The following ZBTB7C variants were observed in gnomAD, a reference collection of about 807,000 sequenced individuals.
ZBTB7C encodes zinc finger and BTB domain containing 7C, also known as zinc finger and BTB domain-containing protein 7C.
A neutral mutation model predicts 25.7 loss-of-function variants in ZBTB7C; 8 were observed. The ratio of observed to expected loss-of-function variants is 0.31; its 90% CI spans 0.18 to 0.56. The LOEUF (loss-of-function observed/expected upper bound fraction) is 0.56, where lower values mean the gene tolerates loss of function less well. Ranked by LOEUF, ZBTB7C falls within the 20% of genes least tolerant of loss-of-function variation. ZBTB7C has a pLI of 0.91. For synonymous variants in ZBTB7C, 394 were observed against 369.0 expected (o/e 1.07, Z -0.78); for missense variants, 824 against 855.2 (o/e 0.96, Z 0.46).
chr18:48,069,653 A>G (rs2037468903), intron 3 of ZBTB7C, among the ~76,000 whole-genome samples: 1 of 151,294 alleles, frequency 6.6e-6, no homozygotes, highest in Non-Finnish European at 1.5e-5. Context: ...TACTATCAGG[A>G]GCAAGGCTTT....
intron 1 of ZBTB7C, among the ~76,000 whole-genome samples, chr18:48,351,553 T>A (rs1018961530): frequency 1.1e-4 from 17 of 152,148 alleles, no homozygotes; most frequent in African/African-American, 3.9e-4. Flanking sequence ...AGATAACAAA[T>A]GCATTTGGGT....
At chr18:48,194,917 A>C (rs565659192) in intron 2 of ZBTB7C, among the ~76,000 whole-genome samples, 1 of 152,204 alleles carries the variant, frequency 6.6e-6, no homozygotes, top group East Asian at 1.9e-4. Context: ...CTCAGGCTGA[A>C]GTCATCCCCA....
intron 3 of ZBTB7C, among the ~76,000 whole-genome samples, chr18:48,096,422 G>A (rs986573120): frequency 1.3e-5 from 2 of 152,210 alleles, no homozygotes; most frequent in African/African-American, 4.8e-5. Context: ...GCATCCTGAT[G>A]ACATCAGGGT....
intron 2 of ZBTB7C, among the ~76,000 whole-genome samples, chr18:48,261,781 AT>A (rs1239328865): frequency 6.6e-6 from 1 of 151,988 alleles, no homozygotes; most frequent in Non-Finnish European, 1.5e-5. Flanking sequence ...CAAATACCCC[AT>A]TAACCAGGAC....
chr18:48,051,241 G>A (rs1251089040), intron 3 of ZBTB7C, among the ~76,000 whole-genome samples: 1 of 152,236 alleles, frequency 6.6e-6, no homozygotes, highest in African/African-American at 2.4e-5. Context: ...GACTTGAAGG[G>A]TACCGAAGAG....
intron 3 of ZBTB7C, among the ~76,000 whole-genome samples, chr18:48,133,562 T>C (rs1270447752): frequency 1.3e-5 from 2 of 151,902 alleles, no homozygotes; most frequent in Admixed American, 6.6e-5. Context: ...GCAGAATGTA[T>C]GATATAAAGG....
At chr18:48,046,484 C>A (rs920022490) in intron 3 of ZBTB7C, among the ~76,000 whole-genome samples, 1 of 152,184 alleles carries the variant, frequency 6.6e-6, no homozygotes, top group Non-Finnish European at 1.5e-5. Flanking sequence ...AGTAAAACCC[C>A]AGGAAATTAG....
At chr18:48,159,296 A>G (rs1331963838) in intron 3 of ZBTB7C, among the ~76,000 whole-genome samples, 3 of 152,158 alleles carry the variant, frequency 2.0e-5, no homozygotes, top group Admixed American at 1.3e-4. Flanking sequence ...CTACTTAATC[A>G]ACCTCAGTTT....
intron 3 of ZBTB7C, among the ~76,000 whole-genome samples, chr18:48,161,313 G>A (rs2041016861): frequency 1.3e-5 from 2 of 151,982 alleles, no homozygotes; most frequent in South Asian, 4.2e-4. Context: ...GGAAAGAGCT[G>A]GTGCCTCCCT....
At chr18:48,316,320 C>T (rs754241081) in intron 2 of ZBTB7C, among the ~76,000 whole-genome samples, 4 of 152,154 alleles carry the variant, frequency 2.6e-5, no homozygotes, top group Non-Finnish European at 5.9e-5. Context: ...TCACAGGTGT[C>T]TGAAGAGCCG....
chr18:48,047,680 T>A, intron 3 of ZBTB7C, among the ~76,000 whole-genome samples: 1 of 152,182 alleles, frequency 6.6e-6, no homozygotes, highest in East Asian at 1.9e-4. Context: ...TTTGTTCAAC[T>A]GTAAAATGAG....
chr18:48,104,382 A>C (rs569992207), intron 3 of ZBTB7C, among the ~76,000 whole-genome samples: 1 of 151,462 alleles, frequency 6.6e-6, no homozygotes, highest in East Asian at 1.9e-4. Context: ...GTTTCCTGAG[A>C]CTCTCCCCAG....
At chr18:48,084,477 C>A (rs1316890504) in intron 3 of ZBTB7C, among the ~76,000 whole-genome samples, 1 of 152,164 alleles carries the variant, frequency 6.6e-6, no homozygotes, top group African/African-American at 2.4e-5. Context: ...CCCTGCAGCT[C>A]CTCTGCTCCT....
chr18:48,319,467 T>C (rs752944798), intron 2 of ZBTB7C, among the ~76,000 whole-genome samples: 1 of 152,134 alleles, frequency 6.6e-6, no homozygotes, highest in Non-Finnish European at 1.5e-5. Context: ...CTTGGCACTA[T>C]GGGGGGACGT....
chr18:48,065,335 T>TTA (rs1555683857), intron 3 of ZBTB7C, among the ~76,000 whole-genome samples: 1 of 150,726 alleles, frequency 6.6e-6, no homozygotes, highest in Non-Finnish European at 1.5e-5. Context: ...TCTCTCTCTC[T>TTA]CACACACACA....
intron 2 of ZBTB7C, among the ~76,000 whole-genome samples, chr18:48,306,403 T>A (rs901169637): frequency 1.3e-5 from 2 of 152,258 alleles, no homozygotes; most frequent in African/African-American, 4.8e-5. Context: ...TTTACCACTT[T>A]AAACATATGT....
chr18:48,230,215 G>T (rs889568084), intron 2 of ZBTB7C, among the ~76,000 whole-genome samples: 14 of 152,168 alleles, frequency 9.2e-5, no homozygotes, highest in African/African-American at 3.4e-4. Flanking sequence ...AGGCTTGAAA[G>T]CTTCATCCAC....
intron 1 of ZBTB7C, among the ~76,000 whole-genome samples, chr18:48,385,217 T>A (rs1166268269): frequency 6.6e-6 from 1 of 152,220 alleles, no homozygotes; most frequent in Non-Finnish European, 1.5e-5. Flanking sequence ...ATATTTTGTA[T>A]ATACCTTATT....
chr18:48,282,880 G>A (rs987386865), intron 2 of ZBTB7C, among the ~76,000 whole-genome samples: 1 of 152,184 alleles, frequency 6.6e-6, no homozygotes. Context: ...GGGGCCTGAG[G>A]ATGGCTTATG....
Sources: gnomAD v4.1 joint callset for allele counts (sites outside exome capture counted in the v4.1 genomes callset) on GRCh38, gnomAD v4.1.1 for gene constraint, MANE v1.5 for transcripts, NCBI Gene and HGNC (gene_info 2026-07-23, HGNC 2026-07-21) for gene names.